L1CAM: variants seen among roughly 807,000 people sequenced by gnomAD.
The protein encoded by L1CAM is neural cell adhesion molecule L1.
Under a neutral mutation model 93.0 loss-of-function variants are expected in L1CAM, and 8 were observed. The ratio of observed to expected loss-of-function variants is 0.09; its 90% CI spans 0.05 to 0.16. The LOEUF is 0.16. Ranked by LOEUF, L1CAM falls within the 10% of genes least tolerant of loss-of-function variation. L1CAM has a pLI of 1.00. For missense variants in L1CAM, 777 were observed against 1,073.4 expected, an observed-to-expected ratio of 0.72 and a Z score of 3.86; for synonymous variants, 453 against 453.0, an observed-to-expected ratio of 1.00 and a Z score of 0.00.
chrX:153,866,778 C>G lies in L1CAM; in HGVS notation c.2302G>C (p.Val768Leu). ...GACACCACCAGGAAGGGGTCGCTGA[C>G]AATCTGCTCCTGCCAGGGCCCTCGT... Reference protein sequence around the residue: ...GTRGPWQEQIVSDPFLVVSNT... With the variant: ...GTRGPWQEQILSDPFLVVSNT... The change falls in exon 19 of 29, where the codon GTC becomes CTC. Residue 768 changes from valine to leucine, a missense_variant. Around this residue, in one of 5 missense-constraint regions of L1CAM, gnomAD observed 574 missense variants for 781.0 expected, o/e 0.73. Coordinates refer to ENST00000370060, the MANE Select transcript of L1CAM (RefSeq NM_001278116.2). The G allele has an allele frequency of 8.3e-7, 1 of 1,211,568 alleles. No homozygotes were observed. Among genetic ancestry groups the G allele is most frequent in the South Asian group, 1.8e-5 (1 of 56,975 alleles).
intron 16 of L1CAM, 95 bp downstream of exon 16, chrX:153,867,705 T>TC: frequency 5.1e-6 from 5 of 978,580 alleles, no homozygotes; most frequent in Admixed American, 2.2e-5. Flanking sequence ...CCAAACCGTG[T>TC]CCCCCCAGGA....
chrX:153,866,914 C>T, intron 18 of L1CAM, 43 bp from the exon 19 acceptor site: 1 of 1,160,619 alleles, frequency 8.6e-7, no homozygotes, highest in Non-Finnish European at 1.2e-6. Flanking sequence ...GCCAAGAACA[C>T]CAGCATTCTT....
rs1557090148 is a variant in L1CAM, at chrX:153,864,688, G to C, written c.3063C>G (p.Gly1021=). The change falls in exon 24 of 29, where the codon GGC becomes GGG. Residue 1021 remains glycine (G), a synonymous_variant. Coordinates refer to ENST00000370060, the MANE Select transcript of L1CAM (RefSeq NM_001278116.2). ...TTTCACCCGCTGTGGCTGAGATGTT[G>C]CCAAAATCTGAGATCCCTGGGGGGA... ...TMALSGISDF[G]NISATAGENY... 2 of 1,210,809 alleles carry C rather than the reference G, an allele frequency of 1.7e-6. No homozygotes were observed. Among genetic ancestry groups the C allele is most frequent in the African/African-American group, 3.5e-5 (2 of 57,439 alleles).
intron 2 of L1CAM, among the ~76,000 whole-genome samples, chrX:153,874,861 C>T: frequency 8.9e-6 from 1 of 111,928 alleles, no homozygotes; most frequent in East Asian, 2.8e-4. Context: ...GGTAACACCC[C>T]CCACACGCAA....
chrX:153,865,544 A>T, intron 20 of L1CAM, 44 bp from the exon 21 acceptor site: 10 of 1,140,575 alleles, frequency 8.8e-6, no homozygotes, highest in Non-Finnish European at 1.2e-5. Context: ...GAAGGCACCC[A>T]GCAGGGCCCC....
At chrX:153,874,761 C>A (rs2064800074) in intron 2 of L1CAM, among the ~76,000 whole-genome samples, 1 of 112,222 alleles carries the variant, frequency 8.9e-6, no homozygotes, top group African/African-American at 3.2e-5. Context: ...AGCCTGGTAG[C>A]TCAAGAGACA....
chrX:153,868,916 G>T lies in L1CAM; in HGVS notation c.1304C>A (p.Thr435Lys). 1 of 1,211,221 alleles carries T rather than the reference G, an allele frequency of 8.3e-7. No individual in the cohort carries two copies. Among genetic ancestry groups the T allele is most frequent in the Non-Finnish European group, 1.1e-6 (1 of 894,799 alleles). ...PAKILTADNQ[T>K]YMAVQGSTAY... is the part of the protein sequence containing the mutation. ...AGTGCTGCCCTGGACAGCCATGTAC[G>T]TCTGATTGTCCGCAGTCAGGATCTT... The change falls in exon 12 of 29, where the codon ACG (threonine) becomes AAG (lysine). Residue 435 changes from threonine (T) to lysine (K), a missense_variant. Coordinates refer to ENST00000370060, the MANE Select transcript of L1CAM (RefSeq NM_001278116.2).
chrX:153,875,686 G>A (rs782618448), intron 2 of L1CAM, 75 bp downstream of exon 2: 2 of 914,517 alleles, frequency 2.2e-6, no homozygotes, highest in South Asian at 2.0e-5. Context: ...CAGGGAGAAG[G>A]TGAGGAGGTA....
chrX:153,869,445 C>A, intron 11 of L1CAM, 75 bp downstream of exon 11: 1 of 1,142,792 alleles, frequency 8.8e-7, no homozygotes, highest in Non-Finnish European at 1.2e-6. Flanking sequence ...GCCAGCTGAG[C>A]CACTCTGGTG....
intron 1 of L1CAM, among the ~76,000 whole-genome samples, chrX:153,883,025 G>A (rs1216044096): frequency 8.9e-6 from 1 of 112,023 alleles, no homozygotes; most frequent in Non-Finnish European, 1.9e-5. Flanking sequence ...CCCAGTGCTC[G>A]TCTGGCTGCT....
In L1CAM at chrX:153,885,303, G is replaced by T. The variant is rs2064871799; in HGVS notation, c.-109+762C>A. 4 of 751,459 alleles carry T rather than the reference G, an allele frequency of 5.3e-6. No individual in the cohort carries two copies. In the South Asian group the frequency reaches 6.5e-5, roughly 12 times the overall value. The allele number at this position is 751,459 out of a possible 1,213,427, so 61.9% of individuals were successfully genotyped here. A position where few individuals can be genotyped will look rare whatever the true frequency, so the allele number is the denominator to read the frequency against. On this transcript the variant is annotated intron_variant, in intron 1 of 28. Transcript: ENST00000370060. ...CCTACCTGATGGACACCCATGCACG[G>T]GAGGCACAGCAGTGGGTGCCCGAAC...
Position 153,862,313 on chromosome X carries a change from C to T in L1CAM, c.*350G>A. 1 of 227,944 alleles carries T rather than the reference C, an allele frequency of 4.4e-6. No homozygotes were observed. Among genetic ancestry groups the T allele is most frequent in the Non-Finnish European group, 8.0e-6 (1 of 125,781 alleles). The allele number at this position is 227,944 out of a possible 1,213,427, so 18.8% of individuals were successfully genotyped here. A position where few individuals can be genotyped will look rare whatever the true frequency, so the allele number is the denominator to read the frequency against. ...CAACCCTGGTCCTGAGGAGACCCCA[C>T]CATGTCTGCCCCCAGTCAGGGAGCA... On this transcript the variant is annotated 3_prime_UTR_variant, in exon 29 of 29. Transcript: ENST00000370060.
rs41311708 is a variant in L1CAM, at chrX:153,862,280, G to A, written c.*383C>T. 7,872 of 172,551 alleles carry A rather than the reference G, an allele frequency of 0.046. 186 individuals carry two copies. Among genetic ancestry groups the A allele is most frequent in the Non-Finnish European group, 0.066 (6,068 of 91,844 alleles). The allele number at this position is 172,551 out of a possible 1,213,427, so 14.2% of individuals were successfully genotyped here. A position where few individuals can be genotyped will look rare whatever the true frequency, so the allele number is the denominator to read the frequency against. On this transcript the variant is annotated 3_prime_UTR_variant, in exon 29 of 29. Coordinates refer to ENST00000370060, the MANE Select transcript of L1CAM (RefSeq NM_001278116.2). ...GGCTGGGGAGTGGCTGGGGGAGGGGGAAGGTGCCAACCCTGGTCCTGAGGA... is the reference window on the plus strand; with the variant it reads ...GGCTGGGGAGTGGCTGGGGGAGGGGAAAGGTGCCAACCCTGGTCCTGAGGA...
At chrX:153,878,231 G>T (rs1442899997) in intron 1 of L1CAM, among the ~76,000 whole-genome samples, 2 of 112,880 alleles carry the variant, frequency 1.8e-5, no homozygotes, top group Non-Finnish European at 3.7e-5. Flanking sequence ...AACACCGAAA[G>T]GATGGTAGAG....
chrX:153,880,902 C>T (rs1378199765), intron 1 of L1CAM, among the ~76,000 whole-genome samples: 1 of 112,079 alleles, frequency 8.9e-6, no homozygotes, highest in Non-Finnish European at 1.9e-5. Flanking sequence ...GAGCCCTCAG[C>T]CCCCTCATCT....
intron 25 of L1CAM, 143 bp from the exon 26 acceptor site, chrX:153,864,160 T>G: frequency 9.7e-7 from 1 of 1,030,651 alleles, no homozygotes; most frequent in East Asian, 3.0e-5. Context: ...GGAAAGGGTA[T>G]GAAAGGGGGC....
At chrX:153,885,410 GC>G (rs1557096703) in intron 1 of L1CAM, 32 of 982,417 alleles carry the variant, frequency 3.3e-5, no homozygotes, top group Non-Finnish European at 4.2e-5. Context: ...CCGGGGAGGA[GC>G]CCCTGGCTCT....
At chrX:153,882,209 A>G (rs1557095830) in intron 1 of L1CAM, among the ~76,000 whole-genome samples, 1 of 111,766 alleles carries the variant, frequency 8.9e-6, no homozygotes, top group African/African-American at 3.3e-5. Flanking sequence ...GGGGCGGACA[A>G]TGGGGCCTCT....
intron 19 of L1CAM, among the ~76,000 whole-genome samples, 176 bp downstream of exon 19, chrX:153,866,473 C>G (rs1054341466): frequency 1.8e-5 from 2 of 111,858 alleles, no homozygotes; most frequent in Non-Finnish European, 3.8e-5. Context: ...AACTGGAATA[C>G]CGCTGCCAAT....
Sources: gnomAD v4.1 joint callset for allele counts (sites outside exome capture counted in the v4.1 genomes callset) on GRCh38, gnomAD v4.1.1 for gene constraint, gnomAD v4.1.1 regional missense constraint, MANE v1.5 for transcripts, NCBI Gene and HGNC (gene_info 2026-07-23, HGNC 2026-07-21) for gene names.